Variants in CDON observed in about 807,000 individuals in gnomAD.
CDON encodes the protein cell adhesion associated, oncogene regulated.
CDON carries 73 observed loss-of-function variants against 120.9 expected under a neutral mutation model. The ratio of observed to expected loss-of-function variants is 0.60; its 90% CI spans 0.50 to 0.73. The LOEUF (loss-of-function observed/expected upper bound fraction) is 0.73. Ranked by LOEUF, CDON falls within the 30% of genes least tolerant of loss-of-function variation. CDON has a pLI of 0.00. For missense variants in CDON, 1,470 were observed against 1,587.3 expected (o/e 0.93, Z 1.26); for synonymous variants, 566 against 573.5 (o/e 0.99, Z 0.19).
chr11:125,996,140 CCT>C (rs1305589977), intron 12 of CDON, among the ~76,000 whole-genome samples: 3 of 146,388 alleles, frequency 2.0e-5, no homozygotes, highest in African/African-American at 5.1e-5. Flanking sequence ...AAGCAATTTT[CCT>C]CTTATTCAGT....
Position 125,960,118 on chromosome 11 carries a change from T to C in CDON, c.*824A>G, listed in dbSNP as rs1198205219. On this transcript the variant is annotated 3_prime_UTR_variant, in exon 20 of 20. Transcript: ENST00000531738. ...TCAACAGGTCACATTACCACTTCTG[T>C]GGAAGGCACTCTTGTAAAATCCGTC... The C allele has an allele frequency of 6.6e-6, 1 of 152,202 alleles. No homozygotes were observed. Among genetic ancestry groups the C allele is most frequent in the Non-Finnish European group, 1.5e-5 (1 of 68,064 alleles). The allele number at this position is 152,202 out of a possible 1,614,324, so 9.4% of individuals were successfully genotyped here. A position where few individuals can be genotyped will look rare whatever the true frequency, so the allele number is the denominator to read the frequency against.
At chr11:126,010,202 A>G (rs1591381771) in intron 8 of CDON, 139 bp downstream of exon 8, 2 of 669,582 alleles carry the variant, frequency 3.0e-6, no homozygotes, top group Non-Finnish European at 5.1e-6. Context: ...ACCAAGAAAT[A>G]CAGTTCTACA....
intron 1 of CDON, among the ~76,000 whole-genome samples, chr11:126,047,612 C>T (rs913497821): frequency 6.6e-6 from 1 of 152,190 alleles, no homozygotes; most frequent in Non-Finnish European, 1.5e-5. Flanking sequence ...ATCACTAGCC[C>T]AAGCTATTGT....
At chr11:125,978,495 G>A (rs1247530350) in intron 17 of CDON, 112 bp from the exon 18 acceptor site, 3 of 730,770 alleles carry the variant, frequency 4.1e-6, no homozygotes, top group Middle Eastern at 2.3e-4. Flanking sequence ...AACCATAAAT[G>A]GGCACACAGT....
chr11:125,988,537 G>T (rs1289732915), intron 15 of CDON, among the ~76,000 whole-genome samples: 1 of 152,074 alleles, frequency 6.6e-6, no homozygotes, highest in Admixed American at 6.6e-5. Flanking sequence ...CTACTTCTGG[G>T]CTGCTTATTT....
At chr11:126,046,017 T>C (rs2134870654) in intron 1 of CDON, among the ~76,000 whole-genome samples, 1 of 152,068 alleles carries the variant, frequency 6.6e-6, no homozygotes, top group South Asian at 2.1e-4. Context: ...GGTTAAGTGC[T>C]AGCCCCTTTT....
In CDON at chr11:125,988,738, A is replaced by G. The variant is rs188179654; in HGVS notation, c.2773+899T>C. Reference sequence around the variant, plus strand: ...GTCTTCTCTTCTTAAAGACGGCAACATTTGACAGTGAATCTACCTATGTAG... The same window carrying G: ...GTCTTCTCTTCTTAAAGACGGCAACGTTTGACAGTGAATCTACCTATGTAG... On this transcript the variant is annotated intron_variant, in intron 15 of 19. Transcript: ENST00000531738. Among the ~76,000 whole-genome samples, 298 of 152,340 alleles carry G rather than the reference A, an allele frequency of 2.0e-3. 1 individual carries two copies. The highest frequency in any genetic ancestry group is 3.4e-3 in the Non-Finnish European group (231 of 68,030).
At position 125,981,239 on chromosome 11, in the gene CDON, T is replaced by C; in HGVS notation, c.3086A>G (p.Asn1029Ser). ...YTTLSGASQI[N>S]GNVHGGFLTN... is the part of the protein sequence containing the mutation. ...TAGGAAGCCTCCGTGAACATTTCCA[T>C]TTATCTGACTTGCTCCTGAGAGAGT... is the stretch of plus-strand genomic sequence containing the variant. Residue 1029 changes from asparagine (N) to serine (S), a missense_variant, in exon 17 of 20, where the codon AAT becomes AGT. Coordinates refer to ENST00000531738, the MANE Select transcript of CDON (RefSeq NM_001378964.1). 6.2e-7 allele frequency: 1 copy of C among 1,614,212 alleles called. No homozygotes were observed. The highest frequency in any genetic ancestry group is 1.1e-5 in the South Asian group (1 of 91,086).
chr11:126,029,415 T>C (rs1373304884), intron 1 of CDON, among the ~76,000 whole-genome samples: 1 of 152,184 alleles, frequency 6.6e-6, no homozygotes, highest in Non-Finnish European at 1.5e-5. Context: ...TTTAACTCAT[T>C]ACACATGTTT....
At chr11:126,050,533 A>AC (rs1555140419) in intron 1 of CDON, among the ~76,000 whole-genome samples, 6 of 132,334 alleles carry the variant, frequency 4.5e-5, no homozygotes, top group East Asian at 2.4e-4. Flanking sequence ...CACACACACA[A>AC]ACAAAAAAAA....
At chr11:126,000,054 T>G (rs1160822400) in intron 11 of CDON, among the ~76,000 whole-genome samples, 1 of 152,164 alleles carries the variant, frequency 6.6e-6, no homozygotes, top group Non-Finnish European at 1.5e-5. Context: ...TACTCACCCT[T>G]GTCTACACTG....
chr11:126,006,055 G>C lies in CDON; in HGVS notation c.1555C>G (p.Pro519Ala). Residue 519 changes from proline (P) to alanine (A), a missense_variant and splice_region_variant, in exon 9 of 20, where the codon CCT becomes GCT. Pro to Ala is a conservative substitution (Grantham distance 27). Coordinates refer to ENST00000531738, the MANE Select transcript of CDON (RefSeq NM_001378964.1). ...TCTGCTTTTGTATTTGTTTCAAAAG[G>C]AACTGCAGGGAGAGAGAGAGGAGAC... ...TQAEASLMVV[P>A]FETNTKAETV... 6.2e-7 allele frequency: 1 copy of C among 1,613,464 alleles called. No homozygotes were observed. Among genetic ancestry groups the C allele is most frequent in the Non-Finnish European group, 8.5e-7 (1 of 1,179,714 alleles).
intron 1 of CDON, among the ~76,000 whole-genome samples, chr11:126,024,726 G>A (rs1182412132): frequency 2.0e-5 from 3 of 152,126 alleles, no homozygotes; most frequent in Non-Finnish European, 2.9e-5. Context: ...GATCTTAAAC[G>A]TATGAACGCC....
intron 1 of CDON, among the ~76,000 whole-genome samples, chr11:126,050,073 G>C (rs758812178): frequency 4.6e-5 from 7 of 151,922 alleles, no homozygotes; most frequent in Non-Finnish European, 8.8e-5. Context: ...GACTTCTTTA[G>C]AAGAACTTTA....
intron 1 of CDON, among the ~76,000 whole-genome samples, chr11:126,050,753 T>C (rs1349523548): frequency 1.3e-5 from 2 of 152,154 alleles, no homozygotes; most frequent in South Asian, 2.1e-4. Flanking sequence ...GTGCACGCCA[T>C]GCACAGCCTG....
intron 7 of CDON, chr11:126,011,008 A>G (rs993627551): frequency 9.1e-6 from 4 of 438,604 alleles, no homozygotes; most frequent in Non-Finnish European, 1.8e-5. Flanking sequence ...AATATAGAAC[A>G]TATAAGGTTG....
At chr11:126,017,061 G>A in intron 6 of CDON, 27 bp downstream of exon 6, 1 of 1,603,132 alleles carries the variant, frequency 6.2e-7, no homozygotes, top group Non-Finnish European at 8.5e-7. Flanking sequence ...GGCTTCATTT[G>A]AAAAAAATTA....
intron 7 of CDON, among the ~76,000 whole-genome samples, chr11:126,012,687 G>A (rs1947343171): frequency 6.6e-6 from 1 of 151,968 alleles, no homozygotes; most frequent in African/African-American, 2.4e-5. Flanking sequence ...AGGATTACAG[G>A]CGTGAGCCAC....
At chr11:125,967,014 G>C (rs1591544759) in intron 18 of CDON, among the ~76,000 whole-genome samples, 2 of 146,160 alleles carry the variant, frequency 1.4e-5, no homozygotes, top group South Asian at 4.3e-4. Context: ...AAAATGACTA[G>C]CAACAGATTT....
Sources: gnomAD v4.1 joint callset for allele counts (sites outside exome capture counted in the v4.1 genomes callset) on GRCh38, gnomAD v4.1.1 for gene constraint, MANE v1.5 for transcripts, NCBI Gene and HGNC (gene_info 2026-07-23, HGNC 2026-07-21) for gene names.